Variants in FTO observed in about 807,000 individuals in gnomAD.
FTO encodes the protein FTO alpha-ketoglutarate dependent dioxygenase.
FTO carries 47 observed loss-of-function variants against 63.9 expected under a neutral mutation model. That is an observed-to-expected ratio of 0.74 (90% CI 0.58 to 0.94). The LOEUF is 0.94. FTO is among the 40% of genes least tolerant of loss of function. The pLI is 0.00. For missense variants in FTO, 562 were observed against 618.1 expected (o/e 0.91, Z 0.96); for synonymous variants, 207 against 224.4 (o/e 0.92, Z 0.69).
intron 8 of FTO, among the ~76,000 whole-genome samples, chr16:54,048,458 A>G (rs2689249): frequency 0.45 from 67,956 of 151,974 alleles, 17,918 homozygotes; most frequent in African/African-American, 0.73. Flanking sequence ...AACGCTGTGC[A>G]AGCCATAAAT....
chr16:53,913,949 G>A (rs116217183), intron 7 of FTO, among the ~76,000 whole-genome samples: 2,373 of 151,356 alleles, frequency 0.016, 51 homozygotes, highest in African/African-American at 0.054. Context: ...ACTGCACTCC[G>A]GCTTGGGCGG....
chr16:53,805,352 A>C (rs1319029912), intron 1 of FTO, among the ~76,000 whole-genome samples: 2 of 152,054 alleles, frequency 1.3e-5, no homozygotes, highest in African/African-American at 4.8e-5. Flanking sequence ...ACAAGCTCAG[A>C]TACAGCTTAA....
chr16:53,954,876 G>C (rs2143565764), intron 8 of FTO, among the ~76,000 whole-genome samples: 1 of 152,054 alleles, frequency 6.6e-6, no homozygotes, highest in East Asian at 1.9e-4. Context: ...AGAAGCAAGA[G>C]TGAGTGGCAT....
chr16:53,975,190 G>A (rs2083409826), intron 8 of FTO, among the ~76,000 whole-genome samples: 1 of 150,992 alleles, frequency 6.6e-6, no homozygotes, highest in African/African-American at 2.4e-5. Flanking sequence ...CACGTATTTT[G>A]GTTTTAAATA....
At chr16:53,897,081 A>G (rs12933928) in intron 7 of FTO, among the ~76,000 whole-genome samples, 28,323 of 152,088 alleles carry the variant, frequency 0.19, 2,992 homozygotes, top group East Asian at 0.29. Context: ...TTTTTAACCA[A>G]AGGGAACTGT....
At chr16:53,768,963 A>G (rs1431443633) in intron 1 of FTO, among the ~76,000 whole-genome samples, 1 of 152,150 alleles carries the variant, frequency 6.6e-6, no homozygotes, top group Non-Finnish European at 1.5e-5. Flanking sequence ...GCTTCTTTGG[A>G]AAAGTACAGA....
Position 53,871,927 on chromosome 16 carries a change from A to T in FTO, c.896-1859A>T, listed in dbSNP as rs763912980. ...TTTTTAGTAGAGACAGGGTTTCACCATGTTGGCCAGGCTGGTCTCGAACTC... is the reference window on the plus strand; with the variant it reads ...TTTTTAGTAGAGACAGGGTTTCACCTTGTTGGCCAGGCTGGTCTCGAACTC... On this transcript the variant is annotated intron_variant, in intron 4 of 8. Transcript: ENST00000471389. 3.9e-5 allele frequency among the ~76,000 whole-genome samples: 6 copies of T among 152,006 alleles called. 1 individual carries two copies. The South Asian group carries it at 6.2e-4, about 16-fold the overall frequency.
At chr16:53,743,434 A>G (rs746602198) in intron 1 of FTO, among the ~76,000 whole-genome samples, 2 of 151,594 alleles carry the variant, frequency 1.3e-5, no homozygotes, top group African/African-American at 2.4e-5. Context: ...TTCATCCTTT[A>G]CTTTCCACTC....
intron 5 of FTO, among the ~76,000 whole-genome samples, chr16:53,876,043 T>C (rs915365290): frequency 3.9e-5 from 6 of 152,196 alleles, no homozygotes; most frequent in Non-Finnish European, 8.8e-5. Flanking sequence ...CAATACAGAA[T>C]GTCTTTTTAA....
chr16:53,970,080 C>G (rs1477103262), intron 8 of FTO, among the ~76,000 whole-genome samples: 2 of 152,136 alleles, frequency 1.3e-5, no homozygotes, highest in East Asian at 1.9e-4. Flanking sequence ...AAGAAAGACC[C>G]TGAAATTGCC....
intron 8 of FTO, among the ~76,000 whole-genome samples, chr16:54,019,290 G>GA: frequency 6.6e-6 from 1 of 152,276 alleles, no homozygotes; most frequent in South Asian, 2.1e-4. Context: ...TCTGGCAATG[G>GA]AGTCAACTTC....
intron 7 of FTO, among the ~76,000 whole-genome samples, chr16:53,913,978 C>CAA (rs34589313): frequency 8.8e-6 from 1 of 114,234 alleles, no homozygotes; most frequent in African/African-American, 3.9e-5. Context: ...GGCTCTGTCT[C>CAA]AAAAAAAGAA....
chr16:53,940,135 T>C (rs2082493107), intron 8 of FTO, among the ~76,000 whole-genome samples: 1 of 152,220 alleles, frequency 6.6e-6, no homozygotes. Flanking sequence ...TTCCCATTTT[T>C]CTATGTCCTT....
chr16:53,958,745 G>A (rs924964939), intron 8 of FTO, among the ~76,000 whole-genome samples: 2 of 152,200 alleles, frequency 1.3e-5, no homozygotes, highest in Non-Finnish European at 2.9e-5. Context: ...TCATTTCTCT[G>A]CCTTGCAGCC....
chr16:53,958,416 T>G (rs912076160), intron 8 of FTO, among the ~76,000 whole-genome samples: 1 of 152,156 alleles, frequency 6.6e-6, no homozygotes, highest in African/African-American at 2.4e-5. Flanking sequence ...CCTGGGAAGC[T>G]GGCGGCCGGC....
chr16:54,105,653 G>C (rs1240169567), intron 8 of FTO, among the ~76,000 whole-genome samples: 1 of 152,288 alleles, frequency 6.6e-6, no homozygotes, highest in African/African-American at 2.4e-5. Context: ...AAATGTAATT[G>C]TTATTTTAAT....
At chr16:53,836,284 G>T (rs2079290629) in intron 3 of FTO, among the ~76,000 whole-genome samples, 1 of 152,076 alleles carries the variant, frequency 6.6e-6, no homozygotes, top group Non-Finnish European at 1.5e-5. Context: ...CTAGCACCCT[G>T]GTCAAGAAAT....
chr16:53,958,257 C>T (rs936187498), intron 8 of FTO, among the ~76,000 whole-genome samples: 11 of 152,130 alleles, frequency 7.2e-5, no homozygotes, highest in Non-Finnish European at 1.5e-4. Context: ...TACTTTTCCT[C>T]GACCAATTTT....
At chr16:53,807,282 G>T (rs903968670) in intron 1 of FTO, among the ~76,000 whole-genome samples, 2 of 152,186 alleles carry the variant, frequency 1.3e-5, no homozygotes, top group Non-Finnish European at 2.9e-5. Context: ...GGATTAAAAT[G>T]AAAATTCCTA....
Sources: gnomAD v4.1 joint callset for allele counts (sites outside exome capture counted in the v4.1 genomes callset) on GRCh38, gnomAD v4.1.1 for gene constraint, MANE v1.5 for transcripts, NCBI Gene and HGNC (gene_info 2026-07-23, HGNC 2026-07-21) for gene names.